The following PACSIN2 variants were observed in gnomAD, a reference collection of about 807,000 sequenced individuals.
PACSIN2 encodes protein kinase C and casein kinase substrate in neurons protein 2.
A neutral mutation model predicts 63.8 loss-of-function variants in PACSIN2; 25 were observed. The ratio of observed to expected loss-of-function variants is 0.39; its 90% CI spans 0.29 to 0.55. PACSIN2 has a LOEUF of 0.55. Among genes scored for constraint, PACSIN2 ranks in the 20% least tolerant of loss-of-function variants. PACSIN2 has a pLI of 0.62. For synonymous variants in PACSIN2, 255 were observed against 256.2 expected (o/e 1.00, Z 0.05); for missense variants, 518 against 646.9 (o/e 0.80, Z 2.16).
At chr22:42,881,427 G>A (rs529446465) in intron 7 of PACSIN2, among the ~76,000 whole-genome samples, 1 of 152,312 alleles carries the variant, frequency 6.6e-6, no homozygotes, top group East Asian at 1.9e-4. Flanking sequence ...ATGCAGCCCG[G>A]GCTCTGGCCG....
At chr22:42,887,983 C>T (rs9611954) in intron 5 of PACSIN2, among the ~76,000 whole-genome samples, 67,186 of 151,508 alleles carry the variant, frequency 0.44, 15,399 homozygotes, top group Non-Finnish European at 0.48. Flanking sequence ...CTGCAGGGCC[C>T]CTCCATCCTC....
At chr22:43,000,612 C>T in intron 1 of PACSIN2, among the ~76,000 whole-genome samples, 1 of 152,180 alleles carries the variant, frequency 6.6e-6, no homozygotes, top group African/African-American at 2.4e-5. Context: ...AATGAGCGTA[C>T]ACCCAAAAAA....
intron 2 of PACSIN2, among the ~76,000 whole-genome samples, chr22:42,899,348 G>A (rs1409727283): frequency 6.6e-6 from 1 of 152,094 alleles, no homozygotes; most frequent in Non-Finnish European, 1.5e-5. Flanking sequence ...GCGCAGTGGT[G>A]CCATCTCGGC....
At chr22:43,004,383 T>C (rs943979417) in intron 1 of PACSIN2, among the ~76,000 whole-genome samples, 3 of 152,200 alleles carry the variant, frequency 2.0e-5, no homozygotes, top group Non-Finnish European at 4.4e-5. Flanking sequence ...ACATCCTCCT[T>C]GGTGGCACAT....
At chr22:42,983,542 A>G (rs1922396525) in intron 1 of PACSIN2, among the ~76,000 whole-genome samples, 3 of 151,590 alleles carry the variant, frequency 2.0e-5, no homozygotes, top group South Asian at 4.1e-4. Flanking sequence ...TTGGTGTGGC[A>G]TATGCAAAAA....
At chr22:42,925,162 T>C (rs1355937421) in intron 1 of PACSIN2, among the ~76,000 whole-genome samples, 1 of 152,024 alleles carries the variant, frequency 6.6e-6, no homozygotes, top group African/African-American at 2.4e-5. Flanking sequence ...AATGTTTTAT[T>C]TCTTGTCTGT....
chr22:42,985,066 C>T (rs1311196755), intron 1 of PACSIN2, among the ~76,000 whole-genome samples: 2 of 152,198 alleles, frequency 1.3e-5, no homozygotes, highest in Non-Finnish European at 2.9e-5. Flanking sequence ...TGGTGGCTCA[C>T]GCCTGTAATC....
intron 1 of PACSIN2, 46 bp downstream of exon 1, chr22:43,014,975 G>T (rs1340298865): frequency 6.6e-6 from 1 of 150,498 alleles, no homozygotes; most frequent in African/African-American, 2.4e-5. Context: ...TCCCGCCCGC[G>T]GCGCCCCAAC....
intron 4 of PACSIN2, among the ~76,000 whole-genome samples, chr22:42,889,547 A>G (rs1395493870): frequency 1.3e-5 from 2 of 152,190 alleles, no homozygotes; most frequent in Non-Finnish European, 2.9e-5. Flanking sequence ...GAGATGTGAC[A>G]AAAGCTAAGA....
chr22:42,901,629 A>G (rs1024775086), intron 2 of PACSIN2, among the ~76,000 whole-genome samples: 3 of 152,140 alleles, frequency 2.0e-5, no homozygotes, highest in Non-Finnish European at 4.4e-5. Context: ...TTTACACTGC[A>G]CGGTAGGTTT....
intron 2 of PACSIN2, among the ~76,000 whole-genome samples, chr22:42,902,303 C>T (rs1435547731): frequency 1.3e-5 from 2 of 152,170 alleles, no homozygotes; most frequent in Non-Finnish European, 1.5e-5. Flanking sequence ...ATGAGGCCCA[C>T]GGAGAGTGAG....
At chr22:42,913,654 G>C (rs973068418) in intron 1 of PACSIN2, among the ~76,000 whole-genome samples, 20 of 152,048 alleles carry the variant, frequency 1.3e-4, no homozygotes, top group African/African-American at 4.3e-4. Flanking sequence ...AGTAAATAAT[G>C]AATTATTGTT....
At chr22:42,941,294 G>A (rs1933148326) in intron 1 of PACSIN2, among the ~76,000 whole-genome samples, 1 of 152,224 alleles carries the variant, frequency 6.6e-6, no homozygotes, top group South Asian at 2.1e-4. Flanking sequence ...CCATTACCAA[G>A]TGACTGGACA....
intron 4 of PACSIN2, 127 bp from the exon 5 acceptor site, chr22:42,888,925 G>T: frequency 1.2e-6 from 1 of 862,656 alleles, no homozygotes. Flanking sequence ...AAAATTGTAT[G>T]TATACTATCA....
At chr22:42,920,494 A>G (rs939136723) in intron 1 of PACSIN2, among the ~76,000 whole-genome samples, 4 of 152,338 alleles carry the variant, frequency 2.6e-5, no homozygotes, top group Middle Eastern at 3.4e-3. Flanking sequence ...TGGCTATTTT[A>G]GTGTCACTTT....
At chr22:42,969,982 C>T (rs1446473177) in intron 1 of PACSIN2, among the ~76,000 whole-genome samples, 6 of 150,812 alleles carry the variant, frequency 4.0e-5, no homozygotes, top group Non-Finnish European at 8.9e-5. Flanking sequence ...AACACATGGC[C>T]AATCCTGTTT....
chr22:42,961,036 A>G (rs1934113823), intron 1 of PACSIN2, among the ~76,000 whole-genome samples: 2 of 152,200 alleles, frequency 1.3e-5, no homozygotes, highest in South Asian at 4.1e-4. Context: ...CCAGGATCTA[A>G]GTGGTAATGG....
chr22:42,900,140 C>A (rs1930576221), intron 2 of PACSIN2, among the ~76,000 whole-genome samples: 1 of 152,210 alleles, frequency 6.6e-6, no homozygotes, highest in Admixed American at 6.5e-5. Context: ...CCAGTCTACA[C>A]CACCTGCACC....
intron 2 of PACSIN2, among the ~76,000 whole-genome samples, chr22:42,903,469 T>C (rs1368422176): frequency 6.6e-6 from 1 of 152,188 alleles, no homozygotes; most frequent in Non-Finnish European, 1.5e-5. Flanking sequence ...TGAAAAACCA[T>C]CTAGTCCGTG....
Sources: gnomAD v4.1 joint callset for allele counts (sites outside exome capture counted in the v4.1 genomes callset) on GRCh38, gnomAD v4.1.1 for gene constraint, MANE v1.5 for transcripts, NCBI Gene and HGNC (gene_info 2026-07-23, HGNC 2026-07-21) for gene names.